The following AHCYL1 variants were observed in gnomAD, a reference collection of about 807,000 sequenced individuals.
AHCYL1 encodes the protein S-adenosylhomocysteine hydrolase-like protein 1.
AHCYL1 carries 20 observed loss-of-function variants against 79.3 expected under a neutral mutation model. The ratio of observed to expected loss-of-function variants is 0.25; its 90% CI spans 0.18 to 0.37. AHCYL1 has a LOEUF of 0.37. Ranked by LOEUF, AHCYL1 falls within the 10% of genes least tolerant of loss-of-function variation. The probability of loss-of-function intolerance (pLI) is 1.00; values close to 1 mark genes in which losing one functional copy is unlikely to be tolerated. For missense variants in AHCYL1, 330 were observed against 673.6 expected (o/e 0.49, Z 5.65); for synonymous variants, 223 against 242.2 (o/e 0.92, Z 0.74).
intron 1 of AHCYL1, among the ~76,000 whole-genome samples, chr1:109,999,520 A>G (rs1650198800): frequency 6.6e-6 from 1 of 152,206 alleles, no homozygotes; most frequent in African/African-American, 2.4e-5. Flanking sequence ...CATAAAAGTG[A>G]GATTATTTAA....
intron 1 of AHCYL1, among the ~76,000 whole-genome samples, chr1:110,002,014 T>G (rs1650339839): frequency 6.6e-6 from 1 of 152,232 alleles, no homozygotes; most frequent in African/African-American, 2.4e-5. Context: ...ACATTAGTCT[T>G]GTCATTTTGA....
chr1:110,004,209 C>CG (rs1650502635), intron 1 of AHCYL1: 1 of 985,470 alleles, frequency 1.0e-6, no homozygotes, highest in Non-Finnish European at 1.2e-6. Context: ...CGGGAGTCGG[C>CG]GGGGGAAGAT....
At chr1:110,001,007 T>C in intron 1 of AHCYL1, 2 of 963,100 alleles carry the variant, frequency 2.1e-6, no homozygotes, top group Non-Finnish European at 1.2e-6. Flanking sequence ...GATTTCAAAC[T>C]TCCTGTACAA....
intron 1 of AHCYL1, among the ~76,000 whole-genome samples, chr1:110,003,124 A>G (rs1282910723): frequency 6.6e-6 from 1 of 152,220 alleles, no homozygotes; most frequent in East Asian, 1.9e-4. Flanking sequence ...ATAAATAAAT[A>G]TTCTTGAGAA....
chr1:109,985,200 G>A (rs752188671), intron 1 of AHCYL1, 28 bp downstream of exon 1: 30 of 1,593,450 alleles, frequency 1.9e-5, no homozygotes, highest in African/African-American at 8.1e-5. Flanking sequence ...GGCGGCGGGG[G>A]CTCGGGCTCC....
intron 7 of AHCYL1, 96 bp downstream of exon 7, chr1:110,015,627 T>A: frequency 4.4e-6 from 4 of 918,320 alleles, no homozygotes; most frequent in Non-Finnish European, 6.8e-6. Flanking sequence ...GACTTATAAC[T>A]AAATGGGAAT....
At chr1:109,986,171 C>T (rs1649457136) in intron 1 of AHCYL1, among the ~76,000 whole-genome samples, 1 of 152,202 alleles carries the variant, frequency 6.6e-6, no homozygotes, top group Non-Finnish European at 1.5e-5. Context: ...AGATAAATGT[C>T]TCCCTTCTTT....
At chr1:110,019,659 A>T (rs1486871936) in intron 15 of AHCYL1, 33 bp downstream of exon 15, 2 of 1,561,304 alleles carry the variant, frequency 1.3e-6, no homozygotes, top group Non-Finnish European at 1.7e-6. Context: ...CTATGCAGAC[A>T]GCTGCATAGT....
chr1:110,018,154 A>T, intron 11 of AHCYL1, 138 bp downstream of exon 11: 1 of 1,081,982 alleles, frequency 9.2e-7, no homozygotes, highest in Non-Finnish European at 1.3e-6. Context: ...GAACCTTAAC[A>T]TGTTTTCCAG....
At chr1:110,000,746 CTT>C (rs113692663) in intron 1 of AHCYL1, among the ~76,000 whole-genome samples, 12 of 142,654 alleles carry the variant, frequency 8.4e-5, no homozygotes, top group Admixed American at 7.0e-5. Flanking sequence ...TGTTTTTGTT[CTT>C]TTTTTTTTTT....
rs1451758507 is a variant in AHCYL1 at position 110,019,127 on chromosome 1, G to A, written c.1386+8G>A. On this transcript the variant is annotated splice_region_variant and intron_variant, in intron 14 of 16. Transcript: ENST00000369799. ...ATCACAGCCACAACACAGGTATGTGGCAAAATGCCTGCTTACACTGCACTG... is the reference window on the plus strand; with the variant it reads ...ATCACAGCCACAACACAGGTATGTGACAAAATGCCTGCTTACACTGCACTG... 6.2e-7 allele frequency: 1 copy of A among 1,613,724 alleles called. No homozygotes were observed. The highest frequency in any genetic ancestry group is 1.7e-5 in the Admixed American group (1 of 60,022).
rs554049900 is a variant in AHCYL1 at position 110,023,588 on chromosome 1, T to TA, written c.*1922dup. 0.02 allele frequency: 2,779 copies of TA among 140,024 alleles called. 73 individuals are homozygous for TA. The highest frequency in any genetic ancestry group is 0.059 in the African/African-American group (2,271 of 38,218). 8.7% of individuals were successfully genotyped at this position (140,024 alleles called of 1,614,324 possible). A position where few individuals can be genotyped will look rare whatever the true frequency, so the allele number is the denominator to read the frequency against. On this transcript the variant is annotated 3_prime_UTR_variant, in exon 17 of 17. Transcript: ENST00000369799. ...CAAGCCATGTAACAAAGGACACTGT[T>TA]AAAAAAAAAAAAAAGTCTGGCATCA...
At chr1:110,000,834 T>A in intron 1 of AHCYL1, 1 of 546,966 alleles carries the variant, frequency 1.8e-6, no homozygotes, top group Non-Finnish European at 2.3e-6. Context: ...CCCTGTTCTG[T>A]TTTCTCATTT....
rs1446145130 is a variant in AHCYL1, at chr1:110,011,497, TTC to T, written c.376+148_376+149del. On this transcript the variant is annotated intron_variant, in intron 3 of 16. Transcript: ENST00000369799. The stretch of plus-strand genomic sequence containing the variant: ...GTATTATGGACTTTCGGATAAACAC[TTC>T]TCTCTCTATGGAACTTAAGTCTTGG... 4.3e-6 allele frequency: 5 copies of T among 1,173,966 alleles called. No individual in the cohort carries two copies. In the East Asian group the frequency reaches 1.2e-4, roughly 29 times the overall value. The allele number at this position is 1,173,966 out of a possible 1,614,324, so 72.7% of individuals were successfully genotyped here.
Position 110,018,610 on chromosome 1 carries a change from T to A in AHCYL1, c.1277T>A (p.Val426Asp). 1 of 1,613,968 alleles carries A rather than the reference T, an allele frequency of 6.2e-7. No homozygotes were observed. The highest frequency in any genetic ancestry group is 8.5e-7 in the Non-Finnish European group (1 of 1,179,960). ...WERVRSQVDH[V>D]IWPDGKRVVL... ...CGAGTACGTTCTCAGGTGGACCATG[T>A]CATCTGGCCAGATGGCAAACGAGTT... The change falls in exon 13 of 17, where the codon GTC becomes GAC. Residue 426 changes from valine to aspartate, a missense_variant. Transcript: ENST00000369799.
chr1:110,004,338 C>A, intron 1 of AHCYL1: 1 of 985,376 alleles, frequency 1.0e-6, no homozygotes, highest in Non-Finnish European at 1.2e-6. Flanking sequence ...CAGCCAAAAC[C>A]TGCTAAGTCT....
At chr1:109,985,408 G>A (rs1359007402) in intron 1 of AHCYL1, 78 of 1,260,028 alleles carry the variant, frequency 6.2e-5, no homozygotes, top group Non-Finnish European at 7.5e-5. Context: ...AAACCCGACA[G>A]GGCCAGGCCT....
At chr1:110,005,141 A>G (rs1054538288) in intron 1 of AHCYL1, among the ~76,000 whole-genome samples, 2 of 152,204 alleles carry the variant, frequency 1.3e-5, no homozygotes, top group Admixed American at 1.3e-4. Context: ...GAGGGATCCT[A>G]GCCCTTCAAA....
Position 109,985,263 on chromosome 1 carries a change from C to T in AHCYL1, c.120+91C>T, listed in dbSNP as rs898144454. On this transcript the variant is annotated intron_variant, in intron 1 of 16. Transcript: ENST00000369799. ...CCGGGCTCTGGCTAGTTTGGGACTT[C>T]TGGGGGTGACTGGGGACGGCGGAGG... 27 of 1,473,156 alleles carry T rather than the reference C, an allele frequency of 1.8e-5. No individual in the cohort carries two copies. In the Middle Eastern group the frequency reaches 9.1e-4, roughly 49 times the overall value. The allele number at this position is 1,473,156 out of a possible 1,614,324, so 91.3% of individuals were successfully genotyped here.
Sources: gnomAD v4.1 joint callset for allele counts (sites outside exome capture counted in the v4.1 genomes callset) on GRCh38, gnomAD v4.1.1 for gene constraint, MANE v1.5 for transcripts, NCBI Gene and HGNC (gene_info 2026-07-23, HGNC 2026-07-21) for gene names.